The following ELAVL2 variants were observed in gnomAD, a reference collection of about 807,000 sequenced individuals.
The protein encoded by ELAVL2 is ELAV-like protein 2.
Under a neutral mutation model 34.6 loss-of-function variants are expected in ELAVL2, and 4 were observed. The observed-to-expected ratio is 0.12, with a 90% CI of 0.06 to 0.26. ELAVL2 has a LOEUF of 0.26. Ranked by LOEUF, ELAVL2 falls within the 10% of genes least tolerant of loss-of-function variation. The pLI is 1.00. For missense variants in ELAVL2, 432 were observed against 442.8 expected, an observed-to-expected ratio of 0.98 and a Z score of 0.22; for synonymous variants, 193 against 154.8, an observed-to-expected ratio of 1.25 and a Z score of -1.83.
chr9:23,817,774 T>TG (rs1461260904), intron 1 of ELAVL2, among the ~76,000 whole-genome samples: 3 of 152,202 alleles, frequency 2.0e-5, no homozygotes, highest in African/African-American at 7.2e-5. Context: ...AATTTACTAG[T>TG]GAAAAATGTC....
At chr9:23,766,890 C>T (rs192102145) in intron 1 of ELAVL2, among the ~76,000 whole-genome samples, 7 of 152,030 alleles carry the variant, frequency 4.6e-5, no homozygotes, top group Admixed American at 1.3e-4. Context: ...CTCTGAAACT[C>T]TTCGGAAAGA....
intron 4 of ELAVL2, among the ~76,000 whole-genome samples, chr9:23,704,106 AT>A (rs376570381): frequency 1.1e-4 from 17 of 150,538 alleles, no homozygotes; most frequent in African/African-American, 3.9e-4. Flanking sequence ...CTAATTTTGT[AT>A]TTTTAGTAGA....
At chr9:23,709,449 CG>C (rs2040326878) in intron 3 of ELAVL2, among the ~76,000 whole-genome samples, 2 of 145,464 alleles carry the variant, frequency 1.4e-5, no homozygotes, top group East Asian at 4.2e-4. Flanking sequence ...TTCTCCATTC[CG>C]ATTTTTTTTT....
chr9:23,731,571 C>G (rs1190268042), intron 2 of ELAVL2, among the ~76,000 whole-genome samples: 2 of 152,150 alleles, frequency 1.3e-5, no homozygotes, highest in African/African-American at 4.8e-5. Context: ...TGTACCCTGA[C>G]ATATTTACAG....
At chr9:23,728,468 G>C (rs1021879888) in intron 3 of ELAVL2, among the ~76,000 whole-genome samples, 5 of 152,092 alleles carry the variant, frequency 3.3e-5, no homozygotes, top group Admixed American at 1.3e-4. Context: ...AACGGCAATA[G>C]CACTGGCATC....
chr9:23,796,528 C>T (rs1446894861), intron 1 of ELAVL2, among the ~76,000 whole-genome samples: 3 of 152,242 alleles, frequency 2.0e-5, no homozygotes, highest in Non-Finnish European at 4.4e-5. Context: ...CACACTCTAA[C>T]GGTAAACCCA....
intron 2 of ELAVL2, among the ~76,000 whole-genome samples, chr9:23,733,734 C>A (rs2047163413): frequency 6.6e-6 from 1 of 152,164 alleles, no homozygotes; most frequent in Non-Finnish European, 1.5e-5. Context: ...AGCCTCTGAA[C>A]CCTTACTCCT....
chr9:23,789,060 C>T (rs1384717980), intron 1 of ELAVL2, among the ~76,000 whole-genome samples: 1 of 152,122 alleles, frequency 6.6e-6, no homozygotes, highest in Non-Finnish European at 1.5e-5. Context: ...TTATAGAGGG[C>T]AGTGTAAGAA....
chr9:23,822,811 C>T (rs549113986), intron 1 of ELAVL2, among the ~76,000 whole-genome samples: 229 of 152,294 alleles, frequency 1.5e-3, no homozygotes, highest in African/African-American at 5.4e-3. Flanking sequence ...AGTGGGCGAC[C>T]CAGTCGCCGC....
chr9:23,799,649 T>C (rs1188502138), intron 1 of ELAVL2, among the ~76,000 whole-genome samples: 1 of 152,118 alleles, frequency 6.6e-6, no homozygotes, highest in East Asian at 1.9e-4. Context: ...GCCAACACCC[T>C]AGTTTGAAAG....
At chr9:23,790,831 A>T (rs2060239194) in intron 1 of ELAVL2, among the ~76,000 whole-genome samples, 1 of 152,208 alleles carries the variant, frequency 6.6e-6, no homozygotes, top group African/African-American at 2.4e-5. Context: ...AACACAAAAC[A>T]TCCTAAACCT....
chr9:23,763,300 C>T (rs2055478372), intron 1 of ELAVL2, among the ~76,000 whole-genome samples: 1 of 152,094 alleles, frequency 6.6e-6, no homozygotes, highest in Non-Finnish European at 1.5e-5. Flanking sequence ...AATCTAGTTT[C>T]CTAAAACCAA....
chr9:23,780,343 A>G (rs1477023061), intron 1 of ELAVL2, among the ~76,000 whole-genome samples: 5 of 152,180 alleles, frequency 3.3e-5, no homozygotes, highest in East Asian at 1.9e-4. Context: ...ATAAACACTA[A>G]AAAGTGTTTA....
chr9:23,707,637 G>A (rs1354674811), intron 3 of ELAVL2, among the ~76,000 whole-genome samples: 1 of 152,184 alleles, frequency 6.6e-6, no homozygotes, highest in Non-Finnish European at 1.5e-5. Context: ...GTGTGCCTGG[G>A]CTCAAAACTA....
rs1020915297 is a variant in ELAVL2 at position 23,691,757 on chromosome 9, A to G, written c.*800T>C. 2 of 152,490 alleles carry G rather than the reference A, an allele frequency of 1.3e-5. No homozygotes were observed. The highest frequency in any genetic ancestry group is 2.9e-5 in the Non-Finnish European group (2 of 67,980). 9.4% of individuals were successfully genotyped at this position (152,490 alleles called of 1,614,324 possible). On this transcript the variant is annotated 3_prime_UTR_variant, in exon 7 of 7. Coordinates refer to ENST00000397312, the MANE Select transcript of ELAVL2 (RefSeq NM_004432.5). ...TTTTCTACACCATAAATCTTTCTAA[A>G]TTTTCCAACCGCTGCAAATTTCCTG...
the ELAVL2 span, among the ~76,000 whole-genome samples, chr9:23,838,255 C>T: frequency 1.2e-4 from 18 of 151,320 alleles, no homozygotes; most frequent in South Asian, 1.9e-3. Flanking sequence ...ATTTTGAGCA[C>T]GCATTCTTTT....
At chr9:23,756,145 T>G (rs1178572095) in intron 2 of ELAVL2, among the ~76,000 whole-genome samples, 1 of 152,072 alleles carries the variant, frequency 6.6e-6, no homozygotes, top group African/African-American at 2.4e-5. Context: ...TTTGATAGAA[T>G]AAAGAAGGAT....
At chr9:23,728,527 C>G (rs1475202669) in intron 3 of ELAVL2, among the ~76,000 whole-genome samples, 1 of 151,978 alleles carries the variant, frequency 6.6e-6, no homozygotes, top group African/African-American at 2.4e-5. Flanking sequence ...TAGAGAAACA[C>G]CATAGAGTTT....
chr9:23,754,496 A>G (rs1370465027), intron 2 of ELAVL2, among the ~76,000 whole-genome samples: 3 of 151,806 alleles, frequency 2.0e-5, no homozygotes, highest in East Asian at 3.9e-4. Context: ...TCTGTCACAC[A>G]GGCTGAAATG....
Sources: gnomAD v4.1 joint callset for allele counts (sites outside exome capture counted in the v4.1 genomes callset) on GRCh38, gnomAD v4.1.1 for gene constraint, MANE v1.5 for transcripts, NCBI Gene and HGNC (gene_info 2026-07-23, HGNC 2026-07-21) for gene names.